PAN3: variants seen among roughly 807,000 people sequenced by gnomAD.
PAN3 encodes the protein PAN2-PAN3 deadenylation complex subunit PAN3.
In PAN3, 19 loss-of-function variants were observed where a neutral mutation model predicts 96.2. The observed-to-expected ratio is 0.20, with a 90% CI of 0.14 to 0.29. PAN3 has a LOEUF of 0.29. Ranked by LOEUF, PAN3 falls within the 10% of genes least tolerant of loss-of-function variation. PAN3 has a pLI of 1.00. For missense variants in PAN3, 882 were observed against 1,108.1 expected, an observed-to-expected ratio of 0.80 and a Z score of 2.90; for synonymous variants, 433 against 406.6, an observed-to-expected ratio of 1.06 and a Z score of -0.78.
intron 4 of PAN3, among the ~76,000 whole-genome samples, chr13:28,190,718 A>G (rs1471764696): frequency 6.6e-6 from 1 of 152,198 alleles, no homozygotes; most frequent in African/African-American, 2.4e-5. Context: ...AATCATGGTA[A>G]GTGATAAAAC....
chr13:28,281,266 T>G, intron 16 of PAN3, 49 bp from the exon 17 acceptor site: 1 of 1,513,250 alleles, frequency 6.6e-7, no homozygotes, highest in African/African-American at 1.4e-5. Flanking sequence ...GCTTTTATGT[T>G]CAGTTATCTG....
At chr13:28,191,002 G>A (rs1877187140) in intron 4 of PAN3, among the ~76,000 whole-genome samples, 1 of 152,288 alleles carries the variant, frequency 6.6e-6, no homozygotes, top group South Asian at 2.1e-4. Context: ...GGACTGGTCA[G>A]GCTATCAAGA....
chr13:28,190,254 G>GT (rs1566171629), intron 4 of PAN3, among the ~76,000 whole-genome samples: 1 of 151,958 alleles, frequency 6.6e-6, no homozygotes, highest in Admixed American at 6.6e-5. Flanking sequence ...CAATTTGTTT[G>GT]TTTTTTGAGA....
intron 4 of PAN3, among the ~76,000 whole-genome samples, chr13:28,178,682 T>C (rs939306163): frequency 3.9e-5 from 6 of 152,182 alleles, no homozygotes; most frequent in African/African-American, 1.4e-4. Context: ...CAAAATTTAA[T>C]GAGAGTAATA....
At chr13:28,183,620 T>A (rs118036917) in intron 4 of PAN3, among the ~76,000 whole-genome samples, 266 of 152,316 alleles carry the variant, frequency 1.7e-3, no homozygotes, top group Non-Finnish European at 2.3e-3. Context: ...TCAGAGCCTC[T>A]TGGAGAATTT....
intron 15 of PAN3, 81 bp from the exon 16 acceptor site, chr13:28,280,331 C>A: frequency 6.9e-7 from 1 of 1,448,282 alleles, no homozygotes; most frequent in Non-Finnish European, 9.3e-7. Context: ...ATGACGGCAG[C>A]CAAAACAGCT....
chr13:28,197,029 G>C (rs962617044), intron 4 of PAN3, among the ~76,000 whole-genome samples, 156 bp from the exon 5 acceptor site: 6 of 152,126 alleles, frequency 3.9e-5, no homozygotes, highest in African/African-American at 1.4e-4. Context: ...GCAGGGGTGG[G>C]AGGTGGTGGG....
chr13:28,281,955 G>A (rs769948987), intron 17 of PAN3, among the ~76,000 whole-genome samples: 1 of 151,960 alleles, frequency 6.6e-6, no homozygotes, highest in Non-Finnish European at 1.5e-5. Context: ...ATTTTTAGTG[G>A]AGATAGGGTT....
At chr13:28,230,419 A>T (rs1232196739) in intron 6 of PAN3, among the ~76,000 whole-genome samples, 1 of 149,484 alleles carries the variant, frequency 6.7e-6, no homozygotes. Flanking sequence ...CCATGGATGG[A>T]AAAAAAAAAC....
chr13:28,245,614 C>A (rs964400222), intron 6 of PAN3, among the ~76,000 whole-genome samples: 1 of 152,154 alleles, frequency 6.6e-6, no homozygotes, highest in African/African-American at 2.4e-5. Context: ...CATTACCATT[C>A]AAATTCCACA....
intron 1 of PAN3, among the ~76,000 whole-genome samples, chr13:28,143,344 A>G (rs1870133767): frequency 6.6e-6 from 1 of 152,194 alleles, no homozygotes; most frequent in African/African-American, 2.4e-5. Flanking sequence ...GATTCTTGAC[A>G]TTTAATGATG....
chr13:28,215,419 C>T (rs534483465), intron 5 of PAN3: 10 of 716,902 alleles, frequency 1.4e-5, no homozygotes, highest in Non-Finnish European at 2.6e-5. Context: ...TGAAGCTCTT[C>T]TTGGAGACAT....
intron 5 of PAN3, among the ~76,000 whole-genome samples, chr13:28,202,228 C>G (rs1878801478): frequency 6.6e-6 from 1 of 152,118 alleles, no homozygotes; most frequent in Non-Finnish European, 1.5e-5. Flanking sequence ...AAGCTTAATG[C>G]TGGTTAGTGG....
chr13:28,154,743 A>G (rs1232089233), intron 1 of PAN3, among the ~76,000 whole-genome samples: 1 of 149,664 alleles, frequency 6.7e-6, no homozygotes, highest in African/African-American at 2.5e-5. Context: ...CAATCCACCC[A>G]CTTTAGCCTC....
chr13:28,174,938 T>C (rs1874768247), intron 2 of PAN3, among the ~76,000 whole-genome samples: 1 of 152,252 alleles, frequency 6.6e-6, no homozygotes. Flanking sequence ...CATTTTACAT[T>C]AAAAATGTCT....
At chr13:28,140,375 C>T (rs985709198) in intron 1 of PAN3, among the ~76,000 whole-genome samples, 2 of 152,044 alleles carry the variant, frequency 1.3e-5, no homozygotes, top group Admixed American at 1.3e-4. Flanking sequence ...AAATAGGAGT[C>T]CTACTTTCTT....
chr13:28,139,460 C>T (rs914728659), intron 1 of PAN3, among the ~76,000 whole-genome samples: 21 of 144,174 alleles, frequency 1.5e-4, no homozygotes, highest in Non-Finnish European at 3.1e-4. Flanking sequence ...TTTGCGTGTC[C>T]TTGTGGAGTG....
chr13:28,150,985 T>C (rs1051167090), intron 1 of PAN3, among the ~76,000 whole-genome samples: 6 of 151,926 alleles, frequency 3.9e-5, no homozygotes, highest in African/African-American at 1.5e-4. Flanking sequence ...TAAGAGGCAA[T>C]GGGAGTGTAG....
Position 28,267,075 on chromosome 13 carries a change from G to T in PAN3, c.1574-20G>T. ...GAGACGTCAATTAGAGTTTACTGGA[G>T]TAGAAAAATTGTCTTCCAGGTTTTC... On this transcript the variant is annotated intron_variant, in intron 10 of 18. Coordinates refer to ENST00000380958, the MANE Select transcript of PAN3 (RefSeq NM_175854.8). 5 of 1,573,402 alleles carry T rather than the reference G, an allele frequency of 3.2e-6. No individual in the cohort carries two copies. Among genetic ancestry groups the T allele is most frequent in the Non-Finnish European group, 4.3e-6 (5 of 1,152,790 alleles).
Sources: gnomAD v4.1 joint callset for allele counts (sites outside exome capture counted in the v4.1 genomes callset) on GRCh38, gnomAD v4.1.1 for gene constraint, MANE v1.5 for transcripts, NCBI Gene and HGNC (gene_info 2026-07-23, HGNC 2026-07-21) for gene names.